The following TLE1 variants were observed in gnomAD, a reference collection of about 807,000 sequenced individuals.
The protein encoded by TLE1 is TLE family member 1, transcriptional corepressor, also known as transducin-like enhancer protein 1.
A neutral mutation model predicts 89.8 loss-of-function variants in TLE1; 21 were observed. That is an observed-to-expected ratio of 0.23 (90% CI 0.17 to 0.34). TLE1 has a LOEUF of 0.34. TLE1 is among the 10% of genes least tolerant of loss of function. The pLI, the probability that TLE1 is intolerant of heterozygous loss-of-function variation, is 1.00. For synonymous variants in TLE1, 447 were observed against 407.6 expected, an observed-to-expected ratio of 1.10 and a Z score of -1.16; for missense variants, 795 against 1,031.2, an observed-to-expected ratio of 0.77 and a Z score of 3.14.
intron 4 of TLE1, among the ~76,000 whole-genome samples, chr9:81,659,555 CA>C (rs1332712953): frequency 2.0e-5 from 3 of 152,186 alleles, no homozygotes; most frequent in Non-Finnish European, 4.4e-5. Context: ...GCTCCAGCAA[CA>C]AGACTTTCTT....
intron 4 of TLE1, among the ~76,000 whole-genome samples, chr9:81,673,957 G>C (rs1172799536): frequency 6.6e-6 from 1 of 152,054 alleles, no homozygotes; most frequent in Non-Finnish European, 1.5e-5. Flanking sequence ...CTCCATACCA[G>C]ACCAAGACGC....
chr9:81,606,847 C>A (rs1831740045), intron 14 of TLE1, among the ~76,000 whole-genome samples: 1 of 150,748 alleles, frequency 6.6e-6, no homozygotes, highest in African/African-American at 2.4e-5. Context: ...ATCCTGGCAA[C>A]AATGGCAAAG....
Position 81,587,831 on chromosome 9 carries a change from GAT to G in TLE1, c.1830-5_1830-4del. On this transcript the variant is annotated splice_region_variant and splice_polypyrimidine_tract_variant and intron_variant, in intron 16 of 19. Coordinates refer to ENST00000376499, the MANE Select transcript of TLE1 (RefSeq NM_005077.5). The stretch of plus-strand genomic sequence containing the variant: ...CGTCTGTGTGGCCCTGGAATTGCCT[GAT>G]AAAACAAACCAGATTGAATAATGAT... 6.2e-7 allele frequency: 1 copy of G among 1,613,336 alleles called. No individual in the cohort carries two copies. Among genetic ancestry groups the G allele is most frequent in the Non-Finnish European group, 8.5e-7 (1 of 1,179,788 alleles).
chr9:81,669,495 A>T (rs2046989188), intron 4 of TLE1, among the ~76,000 whole-genome samples: 1 of 152,220 alleles, frequency 6.6e-6, no homozygotes, highest in South Asian at 2.1e-4. Context: ...CCAGTCTGCA[A>T]GCAGTACTGT....
chr9:81,636,225 A>G (rs1167222183), intron 6 of TLE1, among the ~76,000 whole-genome samples: 4 of 152,154 alleles, frequency 2.6e-5, no homozygotes, highest in African/African-American at 9.7e-5. Context: ...TCCCAAAGAC[A>G]CTAATTCTTG....
chr9:81,655,864 A>G (rs944247510), intron 4 of TLE1, among the ~76,000 whole-genome samples: 2 of 144,712 alleles, frequency 1.4e-5, no homozygotes, highest in African/African-American at 2.5e-5. Flanking sequence ...AAAAAAAAAA[A>G]AAAAAGAAAA....
intron 4 of TLE1, among the ~76,000 whole-genome samples, chr9:81,670,540 G>T (rs1484352793): frequency 6.6e-6 from 1 of 152,006 alleles, no homozygotes; most frequent in Non-Finnish European, 1.5e-5. Flanking sequence ...TGGCCAGACT[G>T]GTCTCGAACT....
At chr9:81,688,017 G>A (rs1271741419) in intron 1 of TLE1, among the ~76,000 whole-genome samples, 200 bp downstream of exon 1, 9 of 152,052 alleles carry the variant, frequency 5.9e-5, no homozygotes, top group Admixed American at 4.6e-4. Context: ...CAAGTAGGAA[G>A]GAGCCCAAAG....
At chr9:81,636,823 T>C (rs897599678) in intron 6 of TLE1, among the ~76,000 whole-genome samples, 1 of 106,936 alleles carries the variant, frequency 9.4e-6, no homozygotes, top group Non-Finnish European at 2.1e-5. Context: ...GCCAAGATGG[T>C]GAAACCCCGT....
intron 14 of TLE1, among the ~76,000 whole-genome samples, chr9:81,596,907 T>C (rs1037122529): frequency 3.9e-5 from 6 of 152,208 alleles, no homozygotes; most frequent in African/African-American, 1.4e-4. Context: ...CACTTTTCTG[T>C]ATGTGTATGG....
At chr9:81,678,479 T>C (rs1833179700) in intron 4 of TLE1, among the ~76,000 whole-genome samples, 3 of 152,182 alleles carry the variant, frequency 2.0e-5, no homozygotes, top group East Asian at 1.9e-4. Context: ...GCTGGGATTA[T>C]AGGCATGAGC....
chr9:81,622,923 T>TA (rs1825460869), intron 8 of TLE1, among the ~76,000 whole-genome samples: 1 of 152,162 alleles, frequency 6.6e-6, no homozygotes, highest in African/African-American at 2.4e-5. Flanking sequence ...GCTTTCCACC[T>TA]AAAGTCTACC....
chr9:81,638,781 C>T lies in TLE1; in HGVS notation c.373-4480G>A, dbSNP rs150594466. On this transcript the variant is annotated intron_variant, in intron 6 of 19. Coordinates refer to ENST00000376499, the MANE Select transcript of TLE1 (RefSeq NM_005077.5). ...CTGGGATTCCAGGTGCACACCACCA[C>T]GCCCAGCTAATTTTTGTATTTTTAG... 4.9e-3 allele frequency among the ~76,000 whole-genome samples: 739 copies of T among 152,074 alleles called. 12 individuals are homozygous for T. The highest frequency in any genetic ancestry group is 0.017 in the African/African-American group (694 of 41,478).
chr9:81,625,911 TAAAAAAAAA>T (rs35467275), intron 8 of TLE1, among the ~76,000 whole-genome samples: 3 of 87,846 alleles, frequency 3.4e-5, no homozygotes, highest in Admixed American at 2.4e-4. Context: ...CAGAAACTAC[TAAAAAAAAA>T]AAAAAAAAAA....
rs1213534739 is a variant in TLE1, at chr9:81,613,358, A to G, written c.1063+19T>C. 5 of 1,610,896 alleles carry G rather than the reference A, an allele frequency of 3.1e-6. No homozygotes were observed. Among genetic ancestry groups the G allele is most frequent in the Non-Finnish European group, 4.2e-6 (5 of 1,178,708 alleles). On this transcript the variant is annotated intron_variant, in intron 12 of 19. Coordinates refer to ENST00000376499, the MANE Select transcript of TLE1 (RefSeq NM_005077.5). Reference sequence around the variant, plus strand: ...AATGGGAGAAACCAAACAAAGCACAACAAGAGGCGATGCTGTACCCGCTTG... The same window carrying G: ...AATGGGAGAAACCAAACAAAGCACAGCAAGAGGCGATGCTGTACCCGCTTG...
intron 4 of TLE1, among the ~76,000 whole-genome samples, chr9:81,677,742 A>G (rs1833085637): frequency 6.6e-6 from 1 of 152,082 alleles, no homozygotes; most frequent in Non-Finnish European, 1.5e-5. Context: ...ACAAACTGCA[A>G]GATTTGGACG....
chr9:81,687,185 G>A (rs567599431), intron 2 of TLE1, 149 bp downstream of exon 2: 12 of 603,524 alleles, frequency 2.0e-5, no homozygotes, highest in African/African-American at 7.4e-5. Context: ...AACCAGGAAA[G>A]GGGGTAACTT....
chr9:81,613,016 C>T (rs1004764196), intron 12 of TLE1, among the ~76,000 whole-genome samples: 8 of 152,192 alleles, frequency 5.3e-5, no homozygotes, highest in Admixed American at 4.6e-4. Flanking sequence ...TGAGATCCCG[C>T]CATTGCATTC....
chr9:81,626,523 A>G (rs1409312818), intron 8 of TLE1, among the ~76,000 whole-genome samples: 2 of 152,210 alleles, frequency 1.3e-5, no homozygotes, highest in African/African-American at 4.8e-5. Flanking sequence ...CAACATGGAC[A>G]AAGTTGAAAA....
Sources: allele counts gnomAD v4.1 joint callset (sites outside exome capture counted in the v4.1 genomes callset), GRCh38; gene constraint gnomAD v4.1.1; transcripts MANE v1.5; gene names NCBI Gene and HGNC (gene_info 2026-07-23, HGNC 2026-07-21).